Variants in RIPOR2 observed in about 807,000 individuals in gnomAD.
RIPOR2 encodes the protein RHO family interacting cell polarization regulator 2, also known as rho family-interacting cell polarization regulator 2.
Under a neutral mutation model 114.5 loss-of-function variants are expected in RIPOR2, and 39 were observed. That is an observed-to-expected ratio of 0.34 (90% CI 0.26 to 0.44). The LOEUF is 0.44. RIPOR2 is among the 20% of genes least tolerant of loss of function. The pLI is 1.00. For synonymous variants in RIPOR2, 445 were observed against 484.4 expected, an observed-to-expected ratio of 0.92 and a Z score of 1.07; for missense variants, 1,007 against 1,255.1, an observed-to-expected ratio of 0.80 and a Z score of 2.99.
At chr6:25,022,830 T>C (rs1277579039) in intron 1 of RIPOR2, among the ~76,000 whole-genome samples, 1 of 152,032 alleles carries the variant, frequency 6.6e-6, no homozygotes, top group Non-Finnish European at 1.5e-5. Context: ...ACAAACATGA[T>C]GGTGCAACCA....
chr6:24,869,223 T>A, intron 5 of RIPOR2, 76 bp from the exon 6 acceptor site: 1 of 675,636 alleles, frequency 1.5e-6, no homozygotes, highest in South Asian at 1.9e-5. Context: ...ATATCTTGAT[T>A]ATATCATACT....
intron 2 of RIPOR2, among the ~76,000 whole-genome samples, chr6:24,875,088 T>C (rs905439720): frequency 6.6e-6 from 1 of 152,254 alleles, no homozygotes; most frequent in African/African-American, 2.4e-5. Flanking sequence ...TTATACTCTC[T>C]GCCATCACCG....
chr6:24,918,641 A>G (rs1295118450), intron 1 of RIPOR2, among the ~76,000 whole-genome samples: 1 of 152,196 alleles, frequency 6.6e-6, no homozygotes, highest in East Asian at 1.9e-4. Flanking sequence ...ATCTTCATGG[A>G]CATTATTTTG....
At chr6:25,019,046 T>C (rs1223978372) in intron 1 of RIPOR2, among the ~76,000 whole-genome samples, 2 of 152,204 alleles carry the variant, frequency 1.3e-5, no homozygotes, top group Non-Finnish European at 2.9e-5. Flanking sequence ...AGAACAAATA[T>C]GTGATCAATC....
chr6:25,042,069 A>G, upstream of RIPOR2: 4 of 543,844 alleles, frequency 7.4e-6, 1 homozygote, highest in South Asian at 1.0e-4. Flanking sequence ...AAAAAAAAAA[A>G]AAAGAGTATT....
chr6:24,835,822 T>C lies in RIPOR2; in HGVS notation c.2089A>G (p.Thr697Ala). 3 of 1,551,638 alleles carry C rather than the reference T, an allele frequency of 1.9e-6. No individual in the cohort carries two copies. The highest frequency in any genetic ancestry group is 2.6e-6 in the Non-Finnish European group (3 of 1,146,962). Residue 697 changes from threonine (T) to alanine (A), a missense_variant, in exon 15 of 22, where the codon ACT (threonine) becomes GCT (alanine). Physicochemically the swap from Thr to Ala is moderately conservative, Grantham distance 58. Transcript: ENST00000643898. ...EARGHLSEAL[T>A]EDTGVGTSVA... ...CTGGTCCCAACTCCTGTGTCTTCAG[T>C]GAGCGCTTCACTGAGATGCCCCCTG...
At chr6:24,885,255 C>T (rs188769574) in intron 1 of RIPOR2, among the ~76,000 whole-genome samples, 31 of 152,218 alleles carry the variant, frequency 2.0e-4, no homozygotes, top group Non-Finnish European at 3.4e-4. Context: ...TGCTCTGTTG[C>T]CTAGGCTGGA....
intron 1 of RIPOR2, among the ~76,000 whole-genome samples, chr6:24,969,672 T>A (rs1245647858): frequency 6.6e-6 from 1 of 152,108 alleles, no homozygotes; most frequent in Non-Finnish European, 1.5e-5. Flanking sequence ...AAGGCTCTTT[T>A]TGATTGGCCC....
At chr6:24,937,194 G>A (rs1581840319), upstream of RIPOR2, among the ~76,000 whole-genome samples, 2 of 152,222 alleles carry the variant, frequency 1.3e-5, no homozygotes, top group African/African-American at 4.8e-5. Flanking sequence ...GGTCCTGCTG[G>A]GATCACCAAT....
rs1174608313 is a variant in RIPOR2 at position 24,806,445 on chromosome 6, T to A, written c.3072A>T (p.Gln1024His). The A allele has an allele frequency of 1.3e-6, 2 of 1,551,778 alleles. No individual in the cohort carries two copies. The highest frequency in any genetic ancestry group is 8.7e-7 in the Non-Finnish European group (1 of 1,146,974). Reference protein sequence around the residue: ...LGEDGRLAYEQLDKFPRDCVK... With the variant: ...LGEDGRLAYEHLDKFPRDCVK... Reference sequence around the variant, plus strand: ...CACAGTCTCGAGGAAATTTGTCCAATTGTTCATATGCCAGCCGCCCATCTT... The same window carrying A: ...CACAGTCTCGAGGAAATTTGTCCAAATGTTCATATGCCAGCCGCCCATCTT... The change falls in exon 22 of 22, where the codon CAA becomes CAT. Residue 1024 changes from glutamine to histidine, a missense_variant. Transcript: ENST00000643898.
intron 1 of RIPOR2, among the ~76,000 whole-genome samples, chr6:24,952,050 T>C (rs1772796914): frequency 6.6e-6 from 1 of 152,212 alleles, no homozygotes; most frequent in South Asian, 2.1e-4. Flanking sequence ...TTTATACCTC[T>C]TTTGAAATGC....
intron 1 of RIPOR2, among the ~76,000 whole-genome samples, chr6:25,005,715 A>G (rs1343889548): frequency 1.1e-5 from 1 of 87,394 alleles, no homozygotes; most frequent in African/African-American, 3.9e-5. Flanking sequence ...ATATATATAT[A>G]TATATATATA....
rs1234188229 is a variant in RIPOR2, at chr6:24,955,646, G to T, written c.77-79829C>A. Reference sequence around the variant, plus strand: ...TCTGCAGTTTCTTTTCTTCCCCTCTGTTATAGTTGAAAACCTATCTCTTAC... The same window carrying T: ...TCTGCAGTTTCTTTTCTTCCCCTCTTTTATAGTTGAAAACCTATCTCTTAC... On this transcript the variant is annotated intron_variant, in intron 1 of 13. Transcript: ENST00000510784. Among the ~76,000 whole-genome samples the T allele has an allele frequency of 4.1e-5, 6 of 145,800 alleles. No individual in the cohort carries two copies. In the East Asian group the frequency reaches 8.1e-4, roughly 20 times the overall value.
chr6:24,931,873 T>C (rs1439530494), intron 1 of RIPOR2: 4 of 152,226 alleles, frequency 2.6e-5, no homozygotes, highest in Non-Finnish European at 1.5e-5. Flanking sequence ...GGAGTAATTT[T>C]GGCTGCTAAA....
rs1561782467 is a variant in RIPOR2, at chr6:24,927,153, C to CATCACCATCACT, written c.61+8684_61+8685insAGTGATGGTGAT. Among the ~76,000 whole-genome samples, 150 of 92,146 alleles carry CATCACCATCACT rather than the reference C, an allele frequency of 1.6e-3. 66 individuals carry two copies. Among genetic ancestry groups the CATCACCATCACT allele is most frequent in the African/African-American group, 4.1e-3 (98 of 23,722 alleles). 60.5% of individuals were successfully genotyped at this position (92,146 alleles called of 152,430 possible). ...ATCTCACTACCACCACCACCACCAC[C>CATCACCATCACT]ACCACCACAACTACAATCACCACCA... On this transcript the variant is annotated intron_variant, in intron 1 of 21. Transcript: ENST00000643898.
chr6:24,806,198 C>T lies in RIPOR2; in HGVS notation c.*175G>A. The T allele has an allele frequency of 1.7e-6, 1 of 601,494 alleles. No individual in the cohort carries two copies. Among genetic ancestry groups the T allele is most frequent in the Non-Finnish European group, 2.9e-6 (1 of 343,306 alleles). The allele number at this position is 601,494 out of a possible 1,614,324, so 37.3% of individuals were successfully genotyped here. On this transcript the variant is annotated 3_prime_UTR_variant, in exon 22 of 22. Transcript: ENST00000643898. ...AACCTCCTGGGCTTAAGCAATTCTCCTGCGTTGGCCTCCCAAAGTACTGGG... is the reference window on the plus strand; with the variant it reads ...AACCTCCTGGGCTTAAGCAATTCTCTTGCGTTGGCCTCCCAAAGTACTGGG...
At chr6:24,840,487 A>T in intron 13 of RIPOR2, 1 of 1,382,262 alleles carries the variant, frequency 7.2e-7, no homozygotes, top group South Asian at 1.5e-5. Flanking sequence ...AGTTGGAGAG[A>T]AGTATTTCCA....
chr6:24,919,736 G>T (rs1379109842), intron 1 of RIPOR2, among the ~76,000 whole-genome samples: 3 of 152,220 alleles, frequency 2.0e-5, no homozygotes, highest in African/African-American at 7.2e-5. Context: ...GCCTCTCTGA[G>T]AAGTGCCTCT....
intron 1 of RIPOR2, among the ~76,000 whole-genome samples, chr6:24,980,972 T>C (rs1373254503): frequency 6.6e-6 from 1 of 152,196 alleles, no homozygotes; most frequent in Admixed American, 6.5e-5. Flanking sequence ...ATTCCTCTGC[T>C]TTACTTCTCT....
Sources: allele counts gnomAD v4.1 joint callset (sites outside exome capture counted in the v4.1 genomes callset), GRCh38; gene constraint gnomAD v4.1.1; transcripts MANE v1.5; gene names NCBI Gene and HGNC (gene_info 2026-07-23, HGNC 2026-07-21).